Variants in RERE observed in about 807,000 individuals in gnomAD.
The protein encoded by RERE is arginine-glutamic acid dipeptide repeats protein.
Under a neutral mutation model 146.1 loss-of-function variants are expected in RERE, and 40 were observed. The observed-to-expected ratio is 0.27, with a 90% CI of 0.21 to 0.36. The LOEUF (loss-of-function observed/expected upper bound fraction) is 0.36. Ranked by LOEUF, RERE falls within the 10% of genes least tolerant of loss-of-function variation. The pLI is 1.00. For missense variants in RERE, 1,933 were observed against 2,138.7 expected (o/e 0.90, Z 1.90); for synonymous variants, 1,003 against 866.0 (o/e 1.16, Z -2.78).
At chr1:8,505,260 C>G (rs376577799) in intron 8 of RERE, among the ~76,000 whole-genome samples, 2 of 152,158 alleles carry the variant, frequency 1.3e-5, no homozygotes, top group East Asian at 1.9e-4. Flanking sequence ...TTAGGGAAAT[C>G]TGGGCATCGT....
intron 12 of RERE, 39 bp from the exon 13 acceptor site, chr1:8,366,013 G>A: frequency 6.2e-7 from 1 of 1,602,166 alleles, no homozygotes; most frequent in South Asian, 1.1e-5. Context: ...GAGGGCCTGG[G>A]GCTTTTCCGT....
At chr1:8,509,270 C>T (rs1645297473) in intron 7 of RERE, among the ~76,000 whole-genome samples, 1 of 152,080 alleles carries the variant, frequency 6.6e-6, no homozygotes, top group Non-Finnish European at 1.5e-5. Context: ...TCTTTCATGC[C>T]TCAGAGAGAT....
chr1:8,355,093 C>T lies in RERE; in HGVS notation c.4695G>A (p.Gln1565=), dbSNP rs764019099. ...YSRLKKEGDK[Q]L ...GCGTTAACAAATAAATAACTTATAA[C>T]TGCTTGTCACCTTCTTTCTTCAGTC... The change falls in exon 23 of 23, where the codon CAG becomes CAA. Residue 1565 remains glutamine, a synonymous_variant. Transcript: ENST00000400908. 6 of 1,613,884 alleles carry T rather than the reference C, an allele frequency of 3.7e-6. No individual in the cohort carries two copies. The highest frequency in any genetic ancestry group is 5.1e-6 in the Non-Finnish European group (6 of 1,179,852).
At chr1:8,659,679 C>A (rs1294429373) in intron 1 of RERE, among the ~76,000 whole-genome samples, 1 of 152,232 alleles carries the variant, frequency 6.6e-6, no homozygotes, top group Non-Finnish European at 1.5e-5. Flanking sequence ...GGCTGAAAAC[C>A]TCTCCACTGC....
At chr1:8,788,875 A>G (rs1171243727) in intron 1 of RERE, among the ~76,000 whole-genome samples, 2 of 151,636 alleles carry the variant, frequency 1.3e-5, no homozygotes, top group Non-Finnish European at 2.9e-5. Context: ...ACAGTGAGGC[A>G]TAAGAGATGG....
chr1:8,424,197 C>A (rs1643973602), intron 11 of RERE: 1 of 152,184 alleles, frequency 6.6e-6, no homozygotes, highest in Non-Finnish European at 1.5e-5. Flanking sequence ...CCTTCCGGCC[C>A]GCGATTGTGG....
At chr1:8,501,580 C>G (rs1645157980) in intron 8 of RERE, among the ~76,000 whole-genome samples, 1 of 131,280 alleles carries the variant, frequency 7.6e-6, no homozygotes, top group Non-Finnish European at 1.7e-5. Context: ...GTGAGGACCC[C>G]TCTGCCCGGC....
intron 12 of RERE, among the ~76,000 whole-genome samples, chr1:8,380,424 C>T (rs1162482763): frequency 6.6e-6 from 1 of 151,720 alleles, no homozygotes; most frequent in Non-Finnish European, 1.5e-5. Context: ...TCTCAGCTCA[C>T]TGCAACCTCC....
chr1:8,770,583 T>C (rs11121228), intron 1 of RERE, among the ~76,000 whole-genome samples: 33,163 of 151,916 alleles, frequency 0.22, 3,818 homozygotes, highest in Middle Eastern at 0.27. Context: ...TAACAATCCA[T>C]GAAGAACAAG....
chr1:8,737,690 C>G (rs1032321824), intron 1 of RERE, among the ~76,000 whole-genome samples: 3 of 151,996 alleles, frequency 2.0e-5, no homozygotes, highest in Non-Finnish European at 4.4e-5. Context: ...CCTGCCTTGG[C>G]CTCCCAAAGT....
At chr1:8,496,955 C>T (rs1645054534) in intron 9 of RERE, among the ~76,000 whole-genome samples, 1 of 152,122 alleles carries the variant, frequency 6.6e-6, no homozygotes. Flanking sequence ...ATATGTGTGC[C>T]GTGGTGCTCT....
chr1:8,473,121 T>C (rs1644710263), intron 10 of RERE, among the ~76,000 whole-genome samples: 1 of 152,250 alleles, frequency 6.6e-6, no homozygotes, highest in Non-Finnish European at 1.5e-5. Flanking sequence ...CTTTGGTCTC[T>C]GGGTGTGCTC....
At chr1:8,735,738 G>A (rs891408516) in intron 1 of RERE, among the ~76,000 whole-genome samples, 4 of 152,114 alleles carry the variant, frequency 2.6e-5, no homozygotes, top group African/African-American at 7.2e-5. Flanking sequence ...AGATCTGGTC[G>A]TTTAAATTGT....
At chr1:8,794,753 A>T (rs1484643406) in intron 1 of RERE, among the ~76,000 whole-genome samples, 4 of 148,500 alleles carry the variant, frequency 2.7e-5, no homozygotes, top group East Asian at 2.0e-4. Context: ...CAAAACAAAT[A>T]AAAAAAAAAC....
chr1:8,400,360 C>T (rs1643208453), intron 12 of RERE, among the ~76,000 whole-genome samples: 1 of 151,932 alleles, frequency 6.6e-6, no homozygotes, highest in African/African-American at 2.4e-5. Context: ...TCAAGCAATC[C>T]TCCCACCTCA....
intron 1 of RERE, chr1:8,786,671 C>A: frequency 2.6e-6 from 2 of 783,866 alleles, no homozygotes; most frequent in Non-Finnish European, 4.6e-6. Context: ...ATGACAAAGG[C>A]CAATTTGGGT....
intron 22 of RERE, 37 bp downstream of exon 22, chr1:8,355,382 G>A (rs1272619347): frequency 2.5e-6 from 4 of 1,602,188 alleles, no homozygotes; most frequent in Non-Finnish European, 3.4e-6. Context: ...CCTGGGCTCA[G>A]ATAACCCCTC....
chr1:8,362,324 T>A lies in RERE; in HGVS notation c.1902+359A>T, dbSNP rs138679011. Among the ~76,000 whole-genome samples the A allele has an allele frequency of 1.6e-3, 237 of 152,346 alleles. 1 individual carries two copies. The East Asian group carries it at 0.019, about 12-fold the overall frequency. On this transcript the variant is annotated intron_variant, in intron 16 of 22. Transcript: ENST00000400908. ...ACCATGTGTCGATGTATATGAGATT[T>A]GAGCACCTGTGGATTTTGGTATCCT... is the stretch of plus-strand genomic sequence containing the variant.
chr1:8,368,767 G>A (rs571001829), intron 12 of RERE, among the ~76,000 whole-genome samples: 1 of 152,154 alleles, frequency 6.6e-6, no homozygotes, highest in South Asian at 2.1e-4. Context: ...CAGATCCCAG[G>A]TTAAGGGAAG....
Sources: gnomAD v4.1 joint callset for allele counts (sites outside exome capture counted in the v4.1 genomes callset) on GRCh38, gnomAD v4.1.1 for gene constraint, MANE v1.5 for transcripts, NCBI Gene and HGNC (gene_info 2026-07-23, HGNC 2026-07-21) for gene names.